PCDHGA4: variants seen among roughly 807,000 people sequenced by gnomAD.
The protein encoded by PCDHGA4 is protocadherin gamma-A4.
In PCDHGA4, 38 loss-of-function variants were observed where a neutral mutation model predicts 54.6. The ratio of observed to expected loss-of-function variants is 0.70; its 90% CI spans 0.54 to 0.91. The LOEUF is 0.91. Among genes scored for constraint, PCDHGA4 ranks in the 40% least tolerant of loss-of-function variants. The probability of loss-of-function intolerance (pLI) is 0.00; values close to 1 mark genes in which losing one functional copy is unlikely to be tolerated. For missense variants in PCDHGA4, 1,298 were observed against 1,220.9 expected (o/e 1.06, Z -0.94); for synonymous variants, 511 against 512.9 (o/e 1.00, Z 0.05).
chr5:141,388,509 C>T, intron 1 of PCDHGA4: 13 of 1,613,810 alleles, frequency 8.1e-6, no homozygotes, highest in Non-Finnish European at 1.1e-5. Flanking sequence ...GAAATCCTAC[C>T]ACTTGACTTT....
intron 1 of PCDHGA4, chr5:141,399,718 C>T (rs770212703): frequency 6.2e-7 from 1 of 1,613,306 alleles, no homozygotes; most frequent in Non-Finnish European, 8.5e-7. Context: ...ACTACAGGCC[C>T]GCGACCAGGG....
At chr5:141,360,241 T>G (rs371403228) in intron 1 of PCDHGA4, 1 of 1,613,930 alleles carries the variant, frequency 6.2e-7, no homozygotes, top group Non-Finnish European at 8.5e-7. Flanking sequence ...GATCCGCTAT[T>G]CAATTCCAGA....
chr5:141,431,968 T>G lies in PCDHGA4; in HGVS notation c.2515-62839T>G, dbSNP rs571981127. 6.2e-7 allele frequency: 1 copy of G among 1,614,190 alleles called. No individual in the cohort carries two copies. Among genetic ancestry groups the G allele is most frequent in the Admixed American group, 1.7e-5 (1 of 60,024 alleles). On this transcript the variant is annotated intron_variant, in intron 1 of 3. Coordinates refer to ENST00000571252, the MANE Select transcript of PCDHGA4 (RefSeq NM_018917.4). The surrounding 1 kb of genome is among the most constrained non-coding windows in gnomAD (Gnocchi z 4.8). ...AAAAATCTTACGGAAATTACTATAGTTTAGTCACAGACATAGTCTTGGATA... is the reference window on the plus strand; with the variant it reads ...AAAAATCTTACGGAAATTACTATAGGTTAGTCACAGACATAGTCTTGGATA...
intron 1 of PCDHGA4, chr5:141,372,352 C>T (rs1300220406): frequency 6.2e-7 from 1 of 1,613,912 alleles, no homozygotes; most frequent in South Asian, 1.1e-5. Flanking sequence ...GGACAGCAGC[C>T]TCTTTCAGCC....
intron 1 of PCDHGA4, chr5:141,377,860 A>G (rs1236316198): frequency 6.6e-6 from 1 of 152,192 alleles, no homozygotes; most frequent in Non-Finnish European, 1.5e-5. Context: ...ATTAAGATTT[A>G]AAAGACTTCT....
intron 1 of PCDHGA4, among the ~76,000 whole-genome samples, chr5:141,492,876 G>A (rs2099744774): frequency 6.6e-6 from 1 of 152,184 alleles, no homozygotes; most frequent in African/African-American, 2.4e-5. Context: ...TCAACCCCCA[G>A]AGATACAGGC....
In PCDHGA4 at chr5:141,493,755, A is replaced by C. The variant is rs1364524112; in HGVS notation, c.2515-1052A>C. Among the ~76,000 whole-genome samples, 1 of 152,148 alleles carries C rather than the reference A, an allele frequency of 6.6e-6. No homozygotes were observed. The highest frequency in any genetic ancestry group is 2.4e-5 in the African/African-American group (1 of 41,440). On this transcript the variant is annotated intron_variant, in intron 1 of 3. Coordinates refer to ENST00000571252, the MANE Select transcript of PCDHGA4 (RefSeq NM_018917.4). The surrounding 1 kb of genome is among the most constrained non-coding windows in gnomAD (Gnocchi z 4.3). ...ATATCACTGCCACCTGTGAGCCTTG[A>C]GTGAGCCACTGGCAGTTCCGGAGCT...
intron 1 of PCDHGA4, chr5:141,388,238 C>G (rs546808390): frequency 3.7e-6 from 6 of 1,607,696 alleles, no homozygotes; most frequent in Non-Finnish European, 5.1e-6. Context: ...ACTTTTATCA[C>G]GTGAATGTGG....
At position 141,486,045 on chromosome 5, in the gene PCDHGA4, A is replaced by G. The variant is rs2099623524; in HGVS notation, c.2515-8762A>G. The G allele has an allele frequency of 4.3e-6, 7 of 1,613,428 alleles. No individual in the cohort carries two copies. The highest frequency in any genetic ancestry group is 5.1e-6 in the Non-Finnish European group (6 of 1,179,858). ...GGTCATACCCCTGATCGTGTAAGAA[A>G]CCTCTTTAGCCTGCACCCCACTACT... On this transcript the variant is annotated intron_variant, in intron 1 of 3. Coordinates refer to ENST00000571252, the MANE Select transcript of PCDHGA4 (RefSeq NM_018917.4). This position sits in a 1 kb window ranked among gnomAD's most constrained non-coding sequence, Gnocchi z 5.0.
Position 141,505,566 on chromosome 5 carries a change from A to G in PCDHGA4, c.2662+85A>G, listed in dbSNP as rs1363426407. 1.4e-5 allele frequency: 22 copies of G among 1,599,886 alleles called. No individual in the cohort carries two copies. In the East Asian group the frequency reaches 4.7e-4, roughly 34 times the overall value. ...CACAGCCACCATGCCCACGGACTGGATGTCAAACCTGTGTAGTTTCTCCAG... is the reference window on the plus strand; with the variant it reads ...CACAGCCACCATGCCCACGGACTGGGTGTCAAACCTGTGTAGTTTCTCCAG... On this transcript the variant is annotated intron_variant, in intron 3 of 3. Coordinates refer to ENST00000571252, the MANE Select transcript of PCDHGA4 (RefSeq NM_018917.4).
At chr5:141,417,555 TAGAGA>T (rs926975589) in intron 1 of PCDHGA4, 38 of 335,630 alleles carry the variant, frequency 1.1e-4, no homozygotes, top group Non-Finnish European at 1.5e-4. Context: ...TTGAAAGAGG[TAGAGA>T]AAAGTCAAGT....
intron 1 of PCDHGA4, among the ~76,000 whole-genome samples, chr5:141,444,503 T>C (rs2098438734): frequency 6.6e-6 from 1 of 152,088 alleles, no homozygotes; most frequent in Non-Finnish European, 1.5e-5. Flanking sequence ...AATACTTTGC[T>C]CTAGCAGTAT....
At position 141,417,888 on chromosome 5, in the gene PCDHGA4, G is replaced by C. The variant is rs1406210540; in HGVS notation, c.2514+60267G>C. ...GGAGGGAGCTGCGCGCAGAGGCGCC[G>C]GGCCGGCCCGCGGCAGGTACTATTT... is the stretch of plus-strand genomic sequence containing the variant. On this transcript the variant is annotated intron_variant, in intron 1 of 3. Transcript: ENST00000571252. 1.3e-6 allele frequency: 2 copies of C among 1,566,652 alleles called. No homozygotes were observed. The highest frequency in any genetic ancestry group is 1.7e-4 in the Middle Eastern group (1 of 6,016).
chr5:141,413,418 G>C (rs748857146), intron 1 of PCDHGA4: 1 of 1,614,084 alleles, frequency 6.2e-7, no homozygotes, highest in Admixed American at 1.7e-5. Context: ...TTTTCTCTCT[G>C]AACCCGCGCA....
chr5:141,361,309 T>A (rs754447823), intron 1 of PCDHGA4: 4 of 1,613,964 alleles, frequency 2.5e-6, no homozygotes, highest in South Asian at 2.2e-5. Context: ...AAATGCCAAG[T>A]TTATTTTGAA....
intron 3 of PCDHGA4, among the ~76,000 whole-genome samples, chr5:141,508,957 C>T (rs1242113190): frequency 6.6e-6 from 1 of 151,976 alleles, no homozygotes; most frequent in Non-Finnish European, 1.5e-5. Context: ...GAAATGTCAG[C>T]GGAATGAAAG....
intron 1 of PCDHGA4, among the ~76,000 whole-genome samples, chr5:141,381,589 C>G (rs1777301144): frequency 6.6e-6 from 1 of 152,152 alleles, no homozygotes; most frequent in Admixed American, 6.5e-5. Context: ...ATCCATTATC[C>G]AGTTTCTTAT....
intron 1 of PCDHGA4, among the ~76,000 whole-genome samples, chr5:141,466,776 C>T (rs2099129231): frequency 6.6e-6 from 1 of 152,104 alleles, no homozygotes; most frequent in African/African-American, 2.4e-5. Flanking sequence ...TTATCTTATT[C>T]TTCTTAGTGC....
At chr5:141,499,451 T>A (rs1378621877) in intron 2 of PCDHGA4, among the ~76,000 whole-genome samples, 3 of 152,130 alleles carry the variant, frequency 2.0e-5, no homozygotes, top group Non-Finnish European at 4.4e-5. Flanking sequence ...AAACCACCCA[T>A]CATTTTACAA....
Sources: gnomAD v4.1 joint callset for allele counts (sites outside exome capture counted in the v4.1 genomes callset) on GRCh38, gnomAD v4.1.1 for gene constraint, Gnocchi (gnomAD v3.1) non-coding constraint, MANE v1.5 for transcripts, NCBI Gene and HGNC (gene_info 2026-07-23, HGNC 2026-07-21) for gene names.